Variants in MSANTD3 observed in about 807,000 individuals in gnomAD.
MSANTD3 encodes the protein Myb/SANT DNA binding domain containing 3.
MSANTD3 carries 11 observed loss-of-function variants against 27.7 expected under a neutral mutation model. That is an observed-to-expected ratio of 0.40 (90% confidence interval 0.25 to 0.66). The LOEUF (loss-of-function observed/expected upper bound fraction) is 0.66, where lower values mean the gene tolerates loss of function less well. MSANTD3 is among the 30% of genes least tolerant of loss of function. MSANTD3 has a pLI of 0.41. For missense variants in MSANTD3, 250 were observed against 336.5 expected (o/e 0.74, Z 2.01); for synonymous variants, 131 against 127.2 (o/e 1.03, Z -0.20).
chr9:100,438,381 AATTTAT>A (rs1167306443), intron 1 of MSANTD3, among the ~76,000 whole-genome samples: 1 of 152,206 alleles, frequency 6.6e-6, no homozygotes, highest in Admixed American at 6.5e-5. Context: ...AAGTCCTAGG[AATTTAT>A]CTTGAAGAAC....
chr9:100,436,525 G>A (rs184239763), intron 1 of MSANTD3, among the ~76,000 whole-genome samples: 13 of 152,314 alleles, frequency 8.5e-5, no homozygotes, highest in Admixed American at 6.5e-4. Flanking sequence ...TGGCTCCTGA[G>A]CAGAATTGGG....
intron 1 of MSANTD3, among the ~76,000 whole-genome samples, chr9:100,438,140 T>C (rs1836519363): frequency 6.6e-6 from 1 of 152,198 alleles, no homozygotes; most frequent in African/African-American, 2.4e-5. Flanking sequence ...CCACCAAGGA[T>C]CACAGGACCT....
At chr9:100,432,695 C>T (rs1411574261) in intron 1 of MSANTD3, among the ~76,000 whole-genome samples, 1 of 152,164 alleles carries the variant, frequency 6.6e-6, no homozygotes, top group Non-Finnish European at 1.5e-5. Flanking sequence ...GCTTAACTTG[C>T]ACAGTTAAAC....
At chr9:100,430,552 T>G (rs540530372) in intron 1 of MSANTD3, among the ~76,000 whole-genome samples, 1 of 152,242 alleles carries the variant, frequency 6.6e-6, no homozygotes, top group East Asian at 1.9e-4. Context: ...GAGAGACGTC[T>G]GAGGTTTACA....
intron 2 of MSANTD3, chr9:100,445,301 G>A: frequency 2.1e-6 from 2 of 970,950 alleles, no homozygotes; most frequent in East Asian, 2.4e-5. Context: ...TAAGGAATGT[G>A]TGTGTGTGAT....
rs1203081074 is a variant in MSANTD3 at position 100,442,199 on chromosome 9, T to C, written c.261T>C (p.His87=). ...IKARTKKIMA[H]ERREKVKRSV... The stretch of plus-strand genomic sequence containing the variant: ...CTCGGACCAAAAAAATTATGGCCCA[T>C]GAAAGGAGAGAGAAAGTGAAACGGA... Residue 87 remains histidine (H), a synonymous_variant, in exon 2 of 3, where the codon CAT becomes CAC. Transcript: ENST00000395067. 1.2e-6 allele frequency: 2 copies of C among 1,613,798 alleles called. No individual in the cohort carries two copies. The highest frequency in any genetic ancestry group is 8.5e-7 in the Non-Finnish European group (1 of 1,180,024).
At chr9:100,440,184 C>T (rs1386964699) in intron 1 of MSANTD3, among the ~76,000 whole-genome samples, 4 of 152,164 alleles carry the variant, frequency 2.6e-5, no homozygotes, top group East Asian at 3.8e-4. Context: ...TAGAGGATGA[C>T]AAAGTGACTT....
intron 2 of MSANTD3, among the ~76,000 whole-genome samples, chr9:100,446,718 T>C (rs1289133203): frequency 2.0e-5 from 3 of 151,918 alleles, no homozygotes; most frequent in African/African-American, 4.8e-5. Context: ...TCCCAGCTAC[T>C]TGGGAGGCTG....
intron 1 of MSANTD3, among the ~76,000 whole-genome samples, chr9:100,440,029 A>G (rs1185451319): frequency 6.6e-6 from 1 of 152,116 alleles, no homozygotes; most frequent in Admixed American, 6.6e-5. Context: ...AACATATTTG[A>G]GAGGTTAATT....
At chr9:100,439,493 T>A (rs1423208527) in intron 1 of MSANTD3, among the ~76,000 whole-genome samples, 1 of 151,966 alleles carries the variant, frequency 6.6e-6, no homozygotes, top group African/African-American at 2.4e-5. Context: ...CTTTTCAAGT[T>A]GGTTCCTAAT....
rs57186650 is a variant in MSANTD3, at chr9:100,451,374, A to G, written c.*408A>G. ...TTTCTATCCAAATGAATGCCGTCCC[A>G]TGGAAAGTGGCTGTCCTGGGAGGCT... On this transcript the variant is annotated 3_prime_UTR_variant, in exon 3 of 3. Coordinates refer to ENST00000395067, the MANE Select transcript of MSANTD3 (RefSeq NM_080655.3). The G allele has an allele frequency of 0.012, 1,881 of 156,790 alleles. 36 individuals are homozygous for G. The highest frequency in any genetic ancestry group is 0.043 in the African/African-American group (1,753 of 41,078). 9.7% of individuals were successfully genotyped at this position (156,790 alleles called of 1,614,324 possible).
chr9:100,447,791 C>A lies in MSANTD3; in HGVS notation c.419-2766C>A, dbSNP rs1300511753. Among the ~76,000 whole-genome samples, 6 of 152,176 alleles carry A rather than the reference C, an allele frequency of 3.9e-5. No individual in the cohort carries two copies. In the East Asian group the frequency reaches 1.2e-3, roughly 29 times the overall value. On this transcript the variant is annotated intron_variant, in intron 2 of 2. Coordinates refer to ENST00000395067, the MANE Select transcript of MSANTD3 (RefSeq NM_080655.3). ...ATGCTATAAAGCACTAGCCTAGGAC[C>A]TAGTTAGCTGCTCAAAAAACAGTAG...
At chr9:100,434,462 G>C (rs1032274280) in intron 1 of MSANTD3, among the ~76,000 whole-genome samples, 21 of 152,050 alleles carry the variant, frequency 1.4e-4, no homozygotes, top group Non-Finnish European at 2.5e-4. Flanking sequence ...CCCAGGAGGC[G>C]GAGGTTGCAG....
intron 2 of MSANTD3, among the ~76,000 whole-genome samples, chr9:100,447,482 A>T (rs1836783035): frequency 6.6e-6 from 1 of 152,186 alleles, no homozygotes; most frequent in Non-Finnish European, 1.5e-5. Context: ...TTTTATGTTC[A>T]CAGCTCTAGA....
rs116556582 is a variant in MSANTD3 at position 100,434,124 on chromosome 9, A to G, written c.-34+6731A>G. Among the ~76,000 whole-genome samples the G allele has an allele frequency of 6.7e-3, 1,024 of 152,290 alleles. 7 individuals carry two copies. Among genetic ancestry groups the G allele is most frequent in the African/African-American group, 0.024 (992 of 41,556 alleles). On this transcript the variant is annotated intron_variant, in intron 1 of 2. Coordinates refer to ENST00000395067, the MANE Select transcript of MSANTD3 (RefSeq NM_080655.3). The stretch of plus-strand genomic sequence containing the variant: ...GAATACCATTCTCTCTGATGCCTGC[A>G]CAAAGTAGGTGTTTGGTTAATCCTC...
chr9:100,442,415 T>C, intron 2 of MSANTD3, 59 bp downstream of exon 2: 1 of 1,522,410 alleles, frequency 6.6e-7, no homozygotes, highest in Non-Finnish European at 8.7e-7. Context: ...GACATTTTAA[T>C]TTTAAAACCC....
intron 1 of MSANTD3, among the ~76,000 whole-genome samples, chr9:100,439,128 A>T (rs558890201): frequency 8.0e-4 from 122 of 152,262 alleles, no homozygotes; most frequent in Middle Eastern, 6.8e-3. Context: ...AACTTTTAGG[A>T]TGAGGCAGTG....
intron 1 of MSANTD3, among the ~76,000 whole-genome samples, chr9:100,433,829 C>T (rs901883439): frequency 6.6e-6 from 1 of 152,186 alleles, no homozygotes; most frequent in Non-Finnish European, 1.5e-5. Context: ...ACGTGTCCTT[C>T]AGTTCACCCA....
At chr9:100,430,455 C>A (rs1304269504) in intron 1 of MSANTD3, among the ~76,000 whole-genome samples, 1 of 151,836 alleles carries the variant, frequency 6.6e-6, no homozygotes, top group Non-Finnish European at 1.5e-5. Flanking sequence ...GAATGAGGGG[C>A]TGGTGGGGGT....
Sources: gnomAD v4.1 joint callset for allele counts (sites outside exome capture counted in the v4.1 genomes callset) on GRCh38, gnomAD v4.1.1 for gene constraint, MANE v1.5 for transcripts, NCBI Gene and HGNC (gene_info 2026-07-23, HGNC 2026-07-21) for gene names.